The following CCDC171 variants were observed in gnomAD, a reference collection of about 807,000 sequenced individuals.
The protein encoded by CCDC171 is coiled-coil domain-containing protein 171.
Under a neutral mutation model 168.2 loss-of-function variants are expected in CCDC171, and 177 were observed. The ratio of observed to expected loss-of-function variants is 1.05; its 90% CI spans 0.93 to 1.19. The LOEUF is 1.19. Ranked by LOEUF, CCDC171 falls within the 50% of genes most tolerant of loss-of-function variation. The pLI is 0.00. For missense variants in CCDC171, 1,991 were observed against 1,539.0 expected, an observed-to-expected ratio of 1.29 and a Z score of -4.91; for synonymous variants, 687 against 540.8, an observed-to-expected ratio of 1.27 and a Z score of -3.75.
intron 6 of CCDC171, among the ~76,000 whole-genome samples, chr9:15,614,333 A>G (rs992980202): frequency 1.3e-5 from 2 of 152,196 alleles, no homozygotes; most frequent in African/African-American, 4.8e-5. Flanking sequence ...GCTGGATTCC[A>G]TAAGCTACTA....
At chr9:15,572,553 G>A (rs2040316780) in intron 3 of CCDC171, among the ~76,000 whole-genome samples, 1 of 152,164 alleles carries the variant, frequency 6.6e-6, no homozygotes, top group Admixed American at 6.5e-5. Context: ...AAGTGCTTGT[G>A]TACTGTAATA....
intron 25 of CCDC171, among the ~76,000 whole-genome samples, chr9:15,967,259 C>G (rs577361658): frequency 1.3e-5 from 2 of 152,252 alleles, no homozygotes; most frequent in East Asian, 3.9e-4. Flanking sequence ...CTTGTGGGTG[C>G]TTTGATTTCT....
chr9:15,739,740 A>ATTTT (rs3082820), intron 16 of CCDC171, among the ~76,000 whole-genome samples: 3 of 146,168 alleles, frequency 2.1e-5, no homozygotes, highest in East Asian at 2.0e-4. Flanking sequence ...TGTAATACCA[A>ATTTT]TTTTTTTTTT....
At chr9:16,005,215 T>A (rs1286040227) in intron 3 of CCDC171, among the ~76,000 whole-genome samples, 1 of 152,244 alleles carries the variant, frequency 6.6e-6, no homozygotes, top group East Asian at 1.9e-4. Context: ...CTGTATAGAT[T>A]TAACTATTCT....
At chr9:15,965,735 C>T (rs1431507060) in intron 25 of CCDC171, among the ~76,000 whole-genome samples, 1 of 152,010 alleles carries the variant, frequency 6.6e-6, no homozygotes, top group Non-Finnish European at 1.5e-5. Context: ...TCCATTTAAT[C>T]CTCCTAACAG....
chr9:15,918,989 A>G (rs934279821), intron 24 of CCDC171, among the ~76,000 whole-genome samples: 7 of 151,696 alleles, frequency 4.6e-5, no homozygotes, highest in Non-Finnish European at 4.4e-5. Context: ...CCAAATATGT[A>G]TAGGCAGAGT....
chr9:16,103,428 C>T, the CCDC171 span, among the ~76,000 whole-genome samples: 23 of 152,212 alleles, frequency 1.5e-4, no homozygotes, highest in African/African-American at 5.3e-4. Flanking sequence ...GGGAAGACAA[C>T]GGCACTTGTC....
chr9:15,566,567 C>A (rs2039746481), intron 2 of CCDC171, among the ~76,000 whole-genome samples: 1 of 152,104 alleles, frequency 6.6e-6, no homozygotes, highest in Non-Finnish European at 1.5e-5. Context: ...TCAACAACAA[C>A]AACAACAAAA....
chr9:15,616,924 C>T (rs991186788), intron 6 of CCDC171, among the ~76,000 whole-genome samples: 1 of 152,138 alleles, frequency 6.6e-6, no homozygotes, highest in Non-Finnish European at 1.5e-5. Context: ...TTAATTGGCT[C>T]ATCATTCTGT....
At chr9:16,092,232 A>T in the CCDC171 span, among the ~76,000 whole-genome samples, 6 of 152,332 alleles carry the variant, frequency 3.9e-5, no homozygotes, top group East Asian at 1.2e-3. Flanking sequence ...ATGGAGAGAC[A>T]TTCCTCAGAC....
chr9:15,632,090 A>C (rs1376335694), intron 7 of CCDC171, among the ~76,000 whole-genome samples: 1 of 152,066 alleles, frequency 6.6e-6, no homozygotes, highest in East Asian at 1.9e-4. Flanking sequence ...AACTGGAAGC[A>C]TTCCCTTTGA....
chr9:15,705,654 G>C (rs973041681), intron 11 of CCDC171, among the ~76,000 whole-genome samples: 2 of 152,148 alleles, frequency 1.3e-5, no homozygotes, highest in African/African-American at 4.8e-5. Flanking sequence ...TGGGCTCACT[G>C]TGTCTCTCCC....
At chr9:15,672,373 A>G (rs1241502798) in intron 9 of CCDC171, among the ~76,000 whole-genome samples, 2 of 151,940 alleles carry the variant, frequency 1.3e-5, no homozygotes, top group Non-Finnish European at 2.9e-5. Flanking sequence ...CATTTTGTCC[A>G]TTTTGACTTT....
chr9:16,006,694 T>A (rs1468552294), intron 3 of CCDC171, among the ~76,000 whole-genome samples: 1 of 152,126 alleles, frequency 6.6e-6, no homozygotes, highest in Non-Finnish European at 1.5e-5. Flanking sequence ...TGGTTTTTTG[T>A]CCTTGCGACA....
chr9:15,619,631 C>A (rs1218283042), intron 6 of CCDC171, among the ~76,000 whole-genome samples: 3 of 152,134 alleles, frequency 2.0e-5, no homozygotes, highest in African/African-American at 7.2e-5. Flanking sequence ...CAAGGTGAAA[C>A]AAGTGCTTAT....
chr9:15,855,879 C>G (rs73422709), intron 23 of CCDC171, among the ~76,000 whole-genome samples: 41 of 151,926 alleles, frequency 2.7e-4, no homozygotes, highest in African/African-American at 8.0e-4. Context: ...TATTGTGTGC[C>G]CGTCAACATA....
At chr9:15,644,419 G>A (rs1188731548) in intron 7 of CCDC171, among the ~76,000 whole-genome samples, 1 of 152,120 alleles carries the variant, frequency 6.6e-6, no homozygotes, top group Admixed American at 6.5e-5. Context: ...GCAGCCCAGT[G>A]AGCGTGAGCC....
rs555561108 is a variant in CCDC171, at chr9:15,832,230, A to G, written c.3268-14472A>G. On this transcript the variant is annotated intron_variant, in intron 21 of 25. Coordinates refer to ENST00000380701, the MANE Select transcript of CCDC171 (RefSeq NM_173550.4). ...ACATTCAAATGGTGAGATACAAGTC[A>G]AATCCCTTTCTCCTTTAATTTGACC... Among the ~76,000 whole-genome samples, 12 of 152,334 alleles carry G rather than the reference A, an allele frequency of 7.9e-5. No individual in the cohort carries two copies. The East Asian group carries it at 1.7e-3, about 22-fold the overall frequency.
chr9:15,672,425 T>C (rs200814504), intron 9 of CCDC171, among the ~76,000 whole-genome samples: 1 of 152,126 alleles, frequency 6.6e-6, no homozygotes, highest in Non-Finnish European at 1.5e-5. Flanking sequence ...AAGTCTTTGC[T>C]CATGCCTATG....
Sources: allele counts gnomAD v4.1 joint callset (sites outside exome capture counted in the v4.1 genomes callset), GRCh38; gene constraint gnomAD v4.1.1; transcripts MANE v1.5; gene names NCBI Gene and HGNC (gene_info 2026-07-23, HGNC 2026-07-21).